CCDC18: variants seen among roughly 807,000 people sequenced by gnomAD.
CCDC18 encodes the protein coiled-coil domain-containing protein 18.
A neutral mutation model predicts 196.0 loss-of-function variants in CCDC18; 157 were observed. The ratio of observed to expected loss-of-function variants is 0.80; its 90% CI spans 0.70 to 0.91. The LOEUF is 0.91. CCDC18 is among the 40% of genes least tolerant of loss of function. The probability of loss-of-function intolerance (pLI) is 0.00; values close to 1 mark genes in which losing one functional copy is unlikely to be tolerated. For synonymous variants in CCDC18, 482 were observed against 529.2 expected, an observed-to-expected ratio of 0.91 and a Z score of 1.22; for missense variants, 1,465 against 1,611.6, an observed-to-expected ratio of 0.91 and a Z score of 1.56.
intron 6 of CCDC18, among the ~76,000 whole-genome samples, chr1:93,193,949 T>A (rs564662242): frequency 6.6e-6 from 1 of 152,240 alleles, no homozygotes; most frequent in South Asian, 2.1e-4. Flanking sequence ...CATCCTGGAT[T>A]GGGCTTAATT....
At chr1:93,183,109 G>C (rs149773852) in intron 1 of CCDC18, among the ~76,000 whole-genome samples, 2 of 152,180 alleles carry the variant, frequency 1.3e-5, no homozygotes, top group South Asian at 2.1e-4. Context: ...GCTTACAAAA[G>C]AGAACTATAA....
intron 14 of CCDC18, among the ~76,000 whole-genome samples, chr1:93,218,743 C>T (rs1373401016): frequency 6.6e-6 from 1 of 151,992 alleles, no homozygotes; most frequent in Non-Finnish European, 1.5e-5. Flanking sequence ...CTCCTGACCT[C>T]GTGATCTGCC....
chr1:93,256,086 T>TA (rs1401318931), intron 24 of CCDC18, among the ~76,000 whole-genome samples: 2 of 152,196 alleles, frequency 1.3e-5, no homozygotes, highest in Non-Finnish European at 2.9e-5. Flanking sequence ...TTGTGTATGT[T>TA]ACAGTGATGT....
chr1:93,271,590 T>C (rs1665263236), intron 28 of CCDC18: 1 of 942,222 alleles, frequency 1.1e-6, no homozygotes, highest in Non-Finnish European at 1.3e-6. Context: ...ATCCCAGCTA[T>C]CCAGGAGGCT....
chr1:93,186,631 T>C (rs1650723719), intron 4 of CCDC18, 128 bp downstream of exon 4: 3 of 616,154 alleles, frequency 4.9e-6, no homozygotes, highest in South Asian at 2.3e-5. Context: ...ATTATAATAC[T>C]ATAGTATCAA....
chr1:93,268,337 A>T (rs571494460), intron 27 of CCDC18, among the ~76,000 whole-genome samples: 71 of 152,336 alleles, frequency 4.7e-4, no homozygotes, highest in African/African-American at 1.7e-3. Flanking sequence ...AAGAAAACCT[A>T]GGCAATACCA....
chr1:93,229,066 G>A (rs1482695335), intron 17 of CCDC18, among the ~76,000 whole-genome samples: 1 of 152,092 alleles, frequency 6.6e-6, no homozygotes, highest in African/African-American at 2.4e-5. Flanking sequence ...GGGATTACAG[G>A]CATGTGCCAC....
rs543756424 is a variant in CCDC18 at position 93,224,805 on chromosome 1, G to A, written c.2176-1528G>A. Among the ~76,000 whole-genome samples the A allele has an allele frequency of 2.0e-3, 307 of 152,230 alleles. 1 individual carries two copies. Among genetic ancestry groups the A allele is most frequent in the Non-Finnish European group, 3.6e-3 (243 of 68,002 alleles). On this transcript the variant is annotated intron_variant, in intron 16 of 28. Transcript: ENST00000690025. Reference sequence around the variant, plus strand: ...GAGTTATTACACTGTTAACTATTAGGTAGTGATATTCTGACAGAATCATAG... The same window carrying A: ...GAGTTATTACACTGTTAACTATTAGATAGTGATATTCTGACAGAATCATAG...
At chr1:93,187,951 TTTC>T (rs1435682358) in intron 4 of CCDC18, among the ~76,000 whole-genome samples, 5 of 152,186 alleles carry the variant, frequency 3.3e-5, no homozygotes, top group African/African-American at 7.2e-5. Context: ...TTTTAAAATT[TTTC>T]TTCAACTGTA....
chr1:93,216,092 T>A (rs573165153), intron 12 of CCDC18, among the ~76,000 whole-genome samples: 5 of 152,374 alleles, frequency 3.3e-5, no homozygotes, highest in Admixed American at 3.3e-4. Flanking sequence ...GGAACTTATG[T>A]TAATAATGAA....
At chr1:93,230,737 A>G (rs1289851985) in intron 17 of CCDC18, among the ~76,000 whole-genome samples, 1 of 151,962 alleles carries the variant, frequency 6.6e-6, no homozygotes, top group Admixed American at 6.6e-5. Flanking sequence ...TCTTATTTTA[A>G]TATTTTGTCC....
chr1:93,180,783 C>A lies in CCDC18; in HGVS notation c.-72C>A. 3 of 1,367,746 alleles carry A rather than the reference C, an allele frequency of 2.2e-6. No homozygotes were observed. Among genetic ancestry groups the A allele is most frequent in the Non-Finnish European group, 2.9e-6 (3 of 1,021,930 alleles). The allele number at this position is 1,367,746 out of a possible 1,614,324, so 84.7% of individuals were successfully genotyped here. On this transcript the variant is annotated 5_prime_UTR_variant, in exon 1 of 29. Transcript: ENST00000690025. ...CTCCGAGTTGTGTCCGAGGCTTCCA[C>A]GCGCAGGGGCCCGGGAAAGGGTCAG...
chr1:93,246,279 AT>A, intron 22 of CCDC18, 75 bp downstream of exon 22: 1 of 1,001,260 alleles, frequency 1.0e-6, no homozygotes, highest in Admixed American at 2.6e-5. Flanking sequence ...GAGGTCACCA[AT>A]TTTTTGTAAA....
intron 23 of CCDC18, among the ~76,000 whole-genome samples, chr1:93,252,037 C>T (rs1298220483): frequency 1.3e-5 from 2 of 151,818 alleles, no homozygotes; most frequent in Non-Finnish European, 2.9e-5. Flanking sequence ...ATCTATCTAT[C>T]TATCAAACTA....
At chr1:93,180,023 G>A (rs780129910), upstream of CCDC18, 1 of 1,600,338 alleles carries the variant, frequency 6.2e-7, no homozygotes, top group Non-Finnish European at 8.5e-7. Context: ...CTGGGTTAAA[G>A]GAAGGAGGCT....
At chr1:93,180,503 C>A, upstream of CCDC18, 1 of 1,537,938 alleles carries the variant, frequency 6.5e-7, no homozygotes. Context: ...GCGCCGCCCG[C>A]CTCTCCCCCT....
In CCDC18 at chr1:93,221,656, A is replaced by G. The variant is rs201591350; in HGVS notation, c.2010A>G (p.Glu670=). Residue 670 remains glutamate (E), a synonymous_variant, in exon 15 of 29, where the codon GAA becomes GAG. Transcript: ENST00000690025. ...AGGACCAACAATTTAAAGAACAAGA[A>G]AAGACTATGTCCATGTTGCAACAAG... ...EKKDQQFKEQ[E]KTMSMLQQDI... The G allele has an allele frequency of 1.7e-4, 269 of 1,578,408 alleles. No individual in the cohort carries two copies. In the African/African-American group the frequency reaches 3.3e-3, roughly 19 times the overall value.
intron 27 of CCDC18, 193 bp downstream of exon 27, chr1:93,265,094 T>G (rs981966470): frequency 2.0e-6 from 1 of 510,080 alleles, no homozygotes; most frequent in African/African-American, 1.9e-5. Context: ...GTAGAAGATA[T>G]AATTTATAAA....
At chr1:93,239,930 A>G (rs750381818) in intron 21 of CCDC18, 34 bp downstream of exon 21, 2 of 1,334,560 alleles carry the variant, frequency 1.5e-6, no homozygotes, top group Non-Finnish European at 1.1e-6. Flanking sequence ...TATCACAGTT[A>G]TAAGTCCTTG....
Sources: gnomAD v4.1 joint callset for allele counts (sites outside exome capture counted in the v4.1 genomes callset) on GRCh38, gnomAD v4.1.1 for gene constraint, MANE v1.5 for transcripts, NCBI Gene and HGNC (gene_info 2026-07-23, HGNC 2026-07-21) for gene names.